RSPO2: variants seen among roughly 807,000 people sequenced by gnomAD.
The protein encoded by RSPO2 is R-spondin 2.
A neutral mutation model predicts 30.9 loss-of-function variants in RSPO2; 14 were observed. That is an observed-to-expected ratio of 0.45 (90% CI 0.30 to 0.71). The LOEUF (loss-of-function observed/expected upper bound fraction) is 0.71, where lower values mean the gene tolerates loss of function less well. Ranked by LOEUF, RSPO2 falls within the 30% of genes least tolerant of loss-of-function variation. The probability of loss-of-function intolerance (pLI) is 0.08; values close to 1 mark genes in which losing one functional copy is unlikely to be tolerated. For missense variants in RSPO2, 264 were observed against 301.9 expected (o/e 0.87, Z 0.93); for synonymous variants, 107 against 96.4 (o/e 1.11, Z -0.64).
intron 5 of RSPO2, among the ~76,000 whole-genome samples, chr8:107,905,985 A>G (rs982589644): frequency 1.2e-4 from 18 of 151,990 alleles, no homozygotes; most frequent in African/African-American, 3.4e-4. Flanking sequence ...CACAATTAAA[A>G]CCTCCAAATA....
chr8:108,055,802 A>G (rs570233323), intron 2 of RSPO2, among the ~76,000 whole-genome samples: 1 of 152,216 alleles, frequency 6.6e-6, no homozygotes, highest in Admixed American at 6.5e-5. Flanking sequence ...AAAAAAAATT[A>G]TCAATGGCTC....
At chr8:108,048,730 T>C (rs957192998) in intron 2 of RSPO2, among the ~76,000 whole-genome samples, 23 of 152,280 alleles carry the variant, frequency 1.5e-4, no homozygotes, top group African/African-American at 4.3e-4. Context: ...GTGTTTGCTC[T>C]TGCTTCTCTA....
chr8:108,041,291 A>T (rs1042816401), intron 2 of RSPO2, among the ~76,000 whole-genome samples: 8 of 151,994 alleles, frequency 5.3e-5, no homozygotes, highest in Non-Finnish European at 7.4e-5. Flanking sequence ...GGTAAGAGCA[A>T]ATATGCTGCG....
chr8:107,901,534 T>C (rs1474550426), intron 5 of RSPO2, among the ~76,000 whole-genome samples: 2 of 152,230 alleles, frequency 1.3e-5, no homozygotes, highest in East Asian at 3.8e-4. Flanking sequence ...CATCTTTACA[T>C]CTTACTACTG....
intron 2 of RSPO2, among the ~76,000 whole-genome samples, chr8:108,011,134 GAAAAAA>G (rs66722934): frequency 6.0e-5 from 6 of 100,462 alleles, no homozygotes. Context: ...CTCCGTCCCA[GAAAAAA>G]AAAAAAAAAA....
chr8:108,038,129 A>T (rs1305113367), intron 2 of RSPO2, among the ~76,000 whole-genome samples: 1 of 152,226 alleles, frequency 6.6e-6, no homozygotes, highest in African/African-American at 2.4e-5. Context: ...GACGCCATTA[A>T]AAACATTAGT....
chr8:108,020,549 C>T (rs1036971715), intron 2 of RSPO2, among the ~76,000 whole-genome samples: 3 of 152,148 alleles, frequency 2.0e-5, no homozygotes, highest in Admixed American at 6.5e-5. Context: ...ACTACCCATG[C>T]CTAGAATACC....
intron 2 of RSPO2, among the ~76,000 whole-genome samples, chr8:108,059,608 T>C (rs1812381065): frequency 6.8e-6 from 1 of 147,818 alleles, no homozygotes. Flanking sequence ...AACCCAAATG[T>C]CCAACAATGA....
intron 2 of RSPO2, among the ~76,000 whole-genome samples, chr8:108,058,531 C>T (rs1227195836): frequency 6.6e-6 from 1 of 152,096 alleles, no homozygotes; most frequent in Non-Finnish European, 1.5e-5. Context: ...AAAGAGCCTG[C>T]ATCGCCAAGT....
intron 2 of RSPO2, among the ~76,000 whole-genome samples, chr8:108,011,235 A>G (rs938808095): frequency 5.3e-5 from 8 of 151,644 alleles, no homozygotes; most frequent in African/African-American, 9.7e-5. Context: ...AAGGGAAAGG[A>G]AAAGGAAAGG....
intron 2 of RSPO2, among the ~76,000 whole-genome samples, chr8:108,001,858 G>C (rs1815259046): frequency 1.3e-5 from 2 of 152,210 alleles, no homozygotes; most frequent in Non-Finnish European, 2.9e-5. Context: ...ACAGAGAGGG[G>C]AACATCACAC....
intron 5 of RSPO2, among the ~76,000 whole-genome samples, chr8:107,937,233 C>T (rs1812749513): frequency 6.7e-6 from 1 of 149,874 alleles, no homozygotes; most frequent in Admixed American, 6.7e-5. Flanking sequence ...TTCCCAGCAC[C>T]ATTTATTGAA....
intron 3 of RSPO2, among the ~76,000 whole-genome samples, chr8:107,987,984 T>G (rs79274256): frequency 1.3e-5 from 2 of 152,080 alleles, no homozygotes; most frequent in African/African-American, 4.8e-5. Flanking sequence ...CCTGCTTACC[T>G]TTTGTCATTT....
chr8:107,930,863 C>T (rs1391040377), intron 5 of RSPO2, among the ~76,000 whole-genome samples: 3 of 152,162 alleles, frequency 2.0e-5, no homozygotes, highest in Non-Finnish European at 4.4e-5. Context: ...TGTCATTTTT[C>T]ATCCCATGAC....
At chr8:108,023,236 A>T (rs1186611937) in intron 2 of RSPO2, among the ~76,000 whole-genome samples, 1 of 152,216 alleles carries the variant, frequency 6.6e-6, no homozygotes, top group Non-Finnish European at 1.5e-5. Flanking sequence ...TATTTAAGGG[A>T]ATAAAATTAT....
intron 2 of RSPO2, among the ~76,000 whole-genome samples, chr8:108,052,966 T>C (rs1003959718): frequency 6.6e-6 from 1 of 152,076 alleles, no homozygotes; most frequent in Non-Finnish European, 1.5e-5. Flanking sequence ...CTCTTACACA[T>C]ATATATATAC....
chr8:107,969,211 C>T (rs1052337729), intron 3 of RSPO2, among the ~76,000 whole-genome samples: 1 of 152,096 alleles, frequency 6.6e-6, no homozygotes, highest in Non-Finnish European at 1.5e-5. Flanking sequence ...TGATTTAAAT[C>T]CTCAAGTTCC....
At chr8:108,062,052 T>C (rs1325105247) in intron 2 of RSPO2, among the ~76,000 whole-genome samples, 2 of 151,764 alleles carry the variant, frequency 1.3e-5, no homozygotes, top group Admixed American at 1.3e-4. Context: ...AGAGGGAAAC[T>C]TATAGCACTA....
chr8:108,004,734 G>A (rs1184116210), intron 2 of RSPO2, among the ~76,000 whole-genome samples: 1 of 152,072 alleles, frequency 6.6e-6, no homozygotes, highest in African/African-American at 2.4e-5. Flanking sequence ...TAATATATGT[G>A]TGTATACAAA....
Sources: gnomAD v4.1 joint callset for allele counts (sites outside exome capture counted in the v4.1 genomes callset) on GRCh38, gnomAD v4.1.1 for gene constraint, MANE v1.5 for transcripts, NCBI Gene and HGNC (gene_info 2026-07-23, HGNC 2026-07-21) for gene names.